Variants in PTK2 observed in about 807,000 individuals in gnomAD.
PTK2 encodes protein tyrosine kinase 2.
Under a neutral mutation model 150.1 loss-of-function variants are expected in PTK2, and 45 were observed. The ratio of observed to expected loss-of-function variants is 0.30; its 90% CI spans 0.24 to 0.38. The LOEUF is 0.38. PTK2 is among the 10% of genes least tolerant of loss of function. The pLI is 1.00. For synonymous variants in PTK2, 432 were observed against 449.2 expected (o/e 0.96, Z 0.48); for missense variants, 919 against 1,307.3 (o/e 0.70, Z 4.58).
chr8:140,833,395 A>C (rs2100116699), intron 7 of PTK2, among the ~76,000 whole-genome samples: 1 of 152,202 alleles, frequency 6.6e-6, no homozygotes, highest in Admixed American at 6.5e-5. Context: ...TCTCGAAATC[A>C]AACTACTTCA....
intron 1 of PTK2, chr8:140,948,733 T>G (rs1222880143): frequency 6.6e-6 from 1 of 152,156 alleles, no homozygotes; most frequent in African/African-American, 2.4e-5. Flanking sequence ...TCTAAAATAT[T>G]TGAGGAAAAA....
At chr8:140,972,547 G>A (rs936331272) in intron 1 of PTK2, among the ~76,000 whole-genome samples, 1 of 152,160 alleles carries the variant, frequency 6.6e-6, no homozygotes, top group African/African-American at 2.4e-5. Flanking sequence ...TTACAGGCAC[G>A]AGCCACTGTG....
chr8:140,666,462 T>C lies in PTK2; in HGVS notation c.2866-1465A>G, dbSNP rs1275555745. On this transcript the variant is annotated intron_variant, in intron 30 of 31. Coordinates refer to ENST00000522684, the Ensembl canonical transcript of PTK2. ...AAAGAAAAAAAAAACTTGACATTTT[T>C]CCAAAAAAGATACACAAACGCTCAA... Among the ~76,000 whole-genome samples the C allele has an allele frequency of 1.3e-5, 2 of 152,032 alleles. 1 individual carries two copies. Among genetic ancestry groups the C allele is most frequent in the African/African-American group, 4.8e-5 (2 of 41,352 alleles).
intron 2 of PTK2, among the ~76,000 whole-genome samples, chr8:140,899,886 T>C (rs1289334607): frequency 6.6e-6 from 1 of 152,176 alleles, no homozygotes; most frequent in Admixed American, 6.5e-5. Context: ...AGAAAAAGCA[T>C]TTGATAAAAT....
exon 11 of PTK2, chr8:140,803,557 C>T (rs775030051): frequency 1.2e-6 from 2 of 1,612,210 alleles, no homozygotes; most frequent in East Asian, 2.2e-5. Context: ...GGTGCACCTG[C>T]TATTTTTAGT....
intron 14 of PTK2, among the ~76,000 whole-genome samples, chr8:140,783,978 C>T (rs781340902): frequency 2.6e-5 from 4 of 152,162 alleles, no homozygotes; most frequent in African/African-American, 4.8e-5. Context: ...GCCTGGCCAA[C>T]GTTGTGAAAC....
At chr8:140,763,914 T>C (rs2100070806) in intron 15 of PTK2, among the ~76,000 whole-genome samples, 1 of 152,178 alleles carries the variant, frequency 6.6e-6, no homozygotes, top group South Asian at 2.1e-4. Flanking sequence ...CATTCACATA[T>C]ATACTTAACC....
Position 140,673,714 on chromosome 8 carries a change from A to G in PTK2, c.2709+584T>C, listed in dbSNP as rs141792672. 5.4e-3 allele frequency among the ~76,000 whole-genome samples: 819 copies of G among 152,230 alleles called. 10 individuals are homozygous for G. The highest frequency in any genetic ancestry group is 0.017 in the African/African-American group (700 of 41,550). On this transcript the variant is annotated intron_variant, in intron 29 of 31. Transcript: ENST00000522684. ...GGACCCAGGAGAGTCACAGGCGCCAACAGTTCCAGCTGGCACCCCTCGGGG... is the reference window on the plus strand; with the variant it reads ...GGACCCAGGAGAGTCACAGGCGCCAGCAGTTCCAGCTGGCACCCCTCGGGG...
At chr8:140,958,165 T>C (rs1157673184) in intron 1 of PTK2, among the ~76,000 whole-genome samples, 1 of 152,220 alleles carries the variant, frequency 6.6e-6, no homozygotes, top group African/African-American at 2.4e-5. Context: ...TGAGATAGTG[T>C]CTCACTCTGT....
At chr8:140,867,325 T>C (rs2100139918) in intron 4 of PTK2, among the ~76,000 whole-genome samples, 1 of 152,164 alleles carries the variant, frequency 6.6e-6, no homozygotes, top group African/African-American at 2.4e-5. Context: ...ATATTCACCT[T>C]ATGTTCACAG....
intron 26 of PTK2, among the ~76,000 whole-genome samples, chr8:140,697,136 G>GA (rs1564577826): frequency 0.06 from 2,602 of 43,334 alleles, 155 homozygotes; most frequent in African/African-American, 0.12. Flanking sequence ...CCTGTTTCCG[G>GA]GAAAAAAAAA....
chr8:140,901,209 T>C (rs1568476713), intron 2 of PTK2, among the ~76,000 whole-genome samples: 1 of 150,294 alleles, frequency 6.7e-6, no homozygotes, highest in African/African-American at 2.4e-5. Flanking sequence ...GATAACTGTA[T>C]GCAGGAGAAT....
intron 26 of PTK2, among the ~76,000 whole-genome samples, chr8:140,691,313 A>G (rs1331888447): frequency 6.6e-6 from 1 of 152,148 alleles, no homozygotes; most frequent in Non-Finnish European, 1.5e-5. Context: ...GAGTTTGAAC[A>G]TTTGAAAAAT....
chr8:140,695,345 T>C (rs1056845071), intron 26 of PTK2, among the ~76,000 whole-genome samples: 2 of 152,100 alleles, frequency 1.3e-5, no homozygotes, highest in African/African-American at 4.8e-5. Flanking sequence ...CAACTTCCTA[T>C]TGGATCTCTG....
chr8:140,841,144 T>C (rs2100122107), intron 7 of PTK2, among the ~76,000 whole-genome samples: 1 of 152,120 alleles, frequency 6.6e-6, no homozygotes, highest in African/African-American at 2.4e-5. Flanking sequence ...TTAACAAGCT[T>C]GATTAGGAAG....
At chr8:140,680,954 C>T (rs1263633561) in intron 27 of PTK2, among the ~76,000 whole-genome samples, 6 of 152,182 alleles carry the variant, frequency 3.9e-5, no homozygotes, top group African/African-American at 7.2e-5. Flanking sequence ...ACTTTAACTC[C>T]GTAAGTCTGC....
intron 1 of PTK2, among the ~76,000 whole-genome samples, chr8:140,965,368 C>T (rs906650688): frequency 6.6e-6 from 1 of 152,152 alleles, no homozygotes; most frequent in African/African-American, 2.4e-5. Context: ...TTCTGTCTCA[C>T]CCCAGGTTAG....
In PTK2 at chr8:140,867,396, G is replaced by A. The variant is rs1189396653; in HGVS notation, c.363-2997C>T. On this transcript the variant is annotated intron_variant, in intron 4 of 31. Coordinates refer to ENST00000522684, the Ensembl canonical transcript of PTK2. ...CCCTAGATCCCACAGCTATTTAGAG[G>A]TAGGCATGGGATTCCTCTCCAGCAA... Among the ~76,000 whole-genome samples, 11 of 152,276 alleles carry A rather than the reference G, an allele frequency of 7.2e-5. No homozygotes were observed. In the East Asian group the frequency reaches 2.1e-3, roughly 29 times the overall value.
intron 21 of PTK2, among the ~76,000 whole-genome samples, chr8:140,735,984 T>C (rs2100052377): frequency 6.6e-6 from 1 of 152,202 alleles, no homozygotes; most frequent in Non-Finnish European, 1.5e-5. Flanking sequence ...CTGGTCACTG[T>C]TTTCCCCCAG....
Sources: allele counts gnomAD v4.1 joint callset (sites outside exome capture counted in the v4.1 genomes callset), GRCh38; gene constraint gnomAD v4.1.1; transcripts MANE v1.5; gene names NCBI Gene and HGNC (gene_info 2026-07-23, HGNC 2026-07-21).